Variants in LMTK2 observed in about 807,000 individuals in gnomAD.
LMTK2 encodes the protein serine/threonine-protein kinase LMTK2.
LMTK2 carries 37 observed loss-of-function variants against 127.5 expected under a neutral mutation model. That is an observed-to-expected ratio of 0.29 (90% CI 0.22 to 0.38). The LOEUF is 0.38. Ranked by LOEUF, LMTK2 falls within the 10% of genes least tolerant of loss-of-function variation. LMTK2 has a pLI of 1.00. For synonymous variants in LMTK2, 819 were observed against 810.1 expected (o/e 1.01, Z -0.19); for missense variants, 1,694 against 1,920.3 (o/e 0.88, Z 2.20).
At chr7:98,127,580 T>C (rs1353379903) in intron 1 of LMTK2, among the ~76,000 whole-genome samples, 1 of 152,204 alleles carries the variant, frequency 6.6e-6, no homozygotes, top group Non-Finnish European at 1.5e-5. Context: ...CTTTTCCAGT[T>C]AGAAGGCAGG....
At chr7:98,180,151 A>G (rs1797334273) in intron 7 of LMTK2, among the ~76,000 whole-genome samples, 1 of 152,264 alleles carries the variant, frequency 6.6e-6, no homozygotes, top group African/African-American at 2.4e-5. Flanking sequence ...AATCAATGTT[A>G]TGTATCAAGC....
intron 1 of LMTK2, among the ~76,000 whole-genome samples, chr7:98,116,465 G>A (rs1166663930): frequency 1.3e-5 from 2 of 151,944 alleles, no homozygotes; most frequent in African/African-American, 2.4e-5. Context: ...TGTGTGTGAA[G>A]GAGAGGGTAT....
intron 7 of LMTK2, among the ~76,000 whole-genome samples, chr7:98,172,943 A>T (rs182511420): frequency 2.0e-5 from 3 of 152,272 alleles, no homozygotes; most frequent in African/African-American, 7.2e-5. Flanking sequence ...TTTTCAGTAC[A>T]GATGGGGTTT....
At chr7:98,184,898 C>T (rs1797410038) in intron 7 of LMTK2, among the ~76,000 whole-genome samples, 153 bp from the exon 8 acceptor site, 1 of 152,074 alleles carries the variant, frequency 6.6e-6, no homozygotes, top group Admixed American at 6.6e-5. Flanking sequence ...AATACTTCTA[C>T]TATGAAAAAG....
chr7:98,190,115 T>G lies in LMTK2; in HGVS notation c.999-613T>G, dbSNP rs1449284828. ...CAATAATTTATTGAGTACTTAAAAG[T>G]TGATAGTCATCTCATCCACATAATT... On this transcript the variant is annotated intron_variant, in intron 9 of 13. Coordinates refer to ENST00000297293, the MANE Select transcript of LMTK2 (RefSeq NM_014916.4). Among the ~76,000 whole-genome samples the G allele has an allele frequency of 2.0e-5, 3 of 152,230 alleles. No homozygotes were observed. In the East Asian group the frequency reaches 5.8e-4, roughly 29 times the overall value.
intron 1 of LMTK2, among the ~76,000 whole-genome samples, chr7:98,130,688 G>T (rs1381648396): frequency 6.6e-6 from 1 of 152,182 alleles, no homozygotes; most frequent in African/African-American, 2.4e-5. Context: ...GAGGGGAGAT[G>T]ATGGGAAGAG....
intron 1 of LMTK2, among the ~76,000 whole-genome samples, chr7:98,119,107 A>G (rs1041448646): frequency 6.6e-6 from 1 of 152,046 alleles, no homozygotes; most frequent in South Asian, 2.1e-4. Flanking sequence ...AAAAAAAAAA[A>G]AAAGAAATGC....
rs1320419690 is a variant in LMTK2 at position 98,206,706 on chromosome 7, A to G, written c.*1214A>G. 1 of 152,022 alleles carries G rather than the reference A, an allele frequency of 6.6e-6. No homozygotes were observed. Among genetic ancestry groups the G allele is most frequent in the African/African-American group, 2.4e-5 (1 of 41,312 alleles). 9.4% of individuals were successfully genotyped at this position (152,022 alleles called of 1,614,324 possible). A position where few individuals can be genotyped will look rare whatever the true frequency, so the allele number is the denominator to read the frequency against. ...GCACACTTCAGGTGGTGGGGACTTG[A>G]GCTTTAAAAAAACCTCCACAGCCGA... On this transcript the variant is annotated 3_prime_UTR_variant, in exon 14 of 14. Coordinates refer to ENST00000297293, the MANE Select transcript of LMTK2 (RefSeq NM_014916.4).
intron 4 of LMTK2, 67 bp downstream of exon 4, chr7:98,151,522 A>T: frequency 7.7e-7 from 1 of 1,300,184 alleles, no homozygotes; most frequent in Non-Finnish European, 1.1e-6. Flanking sequence ...GGGCTGATGA[A>T]GAATTGTGTT....
chr7:98,137,412 C>T lies in LMTK2; in HGVS notation c.201C>T (p.Ser67=). ...ILIVLIANCV[S]CCKDPEIDFK... The stretch of plus-strand genomic sequence containing the variant: ...TAGTGTTAATTGCAAACTGTGTATC[C>T]TGCTGTAAGGACCCAGAAATAGACT... The change falls in exon 2 of 14, where the codon TCC becomes TCT. Residue 67 remains serine (S), a synonymous_variant. Transcript: ENST00000297293. 1 of 1,613,700 alleles carries T rather than the reference C, an allele frequency of 6.2e-7. No individual in the cohort carries two copies. Among genetic ancestry groups the T allele is most frequent in the South Asian group, 1.1e-5 (1 of 90,986 alleles).
chr7:98,131,103 C>T (rs544128547), intron 1 of LMTK2, among the ~76,000 whole-genome samples: 9 of 152,288 alleles, frequency 5.9e-5, no homozygotes, highest in African/African-American at 2.2e-4. Context: ...TCCACGCCCT[C>T]GTGCTGTTTG....
At chr7:98,120,346 G>C (rs1240169771) in intron 1 of LMTK2, among the ~76,000 whole-genome samples, 3 of 152,098 alleles carry the variant, frequency 2.0e-5, no homozygotes, top group African/African-American at 4.8e-5. Flanking sequence ...GACTGAGGAA[G>C]GGACTTGAGT....
chr7:98,154,879 A>G lies in LMTK2; in HGVS notation c.569+3A>G. 6.5e-7 allele frequency: 1 copy of G among 1,531,190 alleles called. No homozygotes were observed. The highest frequency in any genetic ancestry group is 9.1e-7 in the Non-Finnish European group (1 of 1,104,384). 94.9% of individuals were successfully genotyped at this position (1,531,190 alleles called of 1,614,324 possible). A position where few individuals can be genotyped will look rare whatever the true frequency, so the allele number is the denominator to read the frequency against. The stretch of plus-strand genomic sequence containing the variant: ...TTGAAAAATGGAGAACCTTACTAGT[A>G]AGTAAACCTTGTCATGTGTTCTGTA... On this transcript the variant is annotated splice_donor_region_variant and intron_variant, in intron 5 of 13. Transcript: ENST00000297293.
rs1258283181 is a variant in LMTK2, at chr7:98,194,650, C to T, written c.4107+78C>T. On this transcript the variant is annotated intron_variant, in intron 11 of 13. Coordinates refer to ENST00000297293, the MANE Select transcript of LMTK2 (RefSeq NM_014916.4). This position sits in a 1 kb window ranked among gnomAD's most constrained non-coding sequence, Gnocchi z 5.4. ...AATGTGCTAGGAAATTGAGTGTGGT[C>T]TGTTTTCTAGTTGCCATTTTGAGGC... 1 of 1,342,334 alleles carries T rather than the reference C, an allele frequency of 7.4e-7. No individual in the cohort carries two copies. Among genetic ancestry groups the T allele is most frequent in the African/African-American group, 1.5e-5 (1 of 68,390 alleles). The allele number at this position is 1,342,334 out of a possible 1,614,324, so 83.2% of individuals were successfully genotyped here. A position where few individuals can be genotyped will look rare whatever the true frequency, so the allele number is the denominator to read the frequency against.
intron 3 of LMTK2, among the ~76,000 whole-genome samples, chr7:98,146,799 A>G (rs1277812827): frequency 1.3e-5 from 2 of 152,226 alleles, no homozygotes; most frequent in African/African-American, 4.8e-5. Flanking sequence ...TAATACAGTA[A>G]TAACGGCTTT....
rs138802727 is a variant in LMTK2 at position 98,194,175 on chromosome 7, C to G, written c.3710C>G (p.Ala1237Gly). 1,461 of 1,613,980 alleles carry G rather than the reference C, an allele frequency of 9.1e-4. 1 individual carries two copies. The highest frequency in any genetic ancestry group is 1.1e-3 in the Non-Finnish European group (1,346 of 1,180,012). Residue 1237 changes from alanine to glycine, a missense_variant, in exon 11 of 14, where the codon GCC (alanine) becomes GGC (glycine). This residue lies in a region of LMTK2 where 554 missense variants were observed against 567.7 expected (regional missense o/e 0.98). Coordinates refer to ENST00000297293, the MANE Select transcript of LMTK2 (RefSeq NM_014916.4). The surrounding 1 kb of genome is among the most constrained non-coding windows in gnomAD (Gnocchi z 5.4). ...GGGACCAACACGAACGAACTCCTTG[C>G]CTACACCAATTCTGCGCTGGACAAG... is the stretch of plus-strand genomic sequence containing the variant. Reference protein sequence around the residue: ...STGTNTNELLAYTNSALDKSL... With the variant: ...STGTNTNELLGYTNSALDKSL...
At chr7:98,110,120 C>G (rs1330211519) in intron 1 of LMTK2, among the ~76,000 whole-genome samples, 2 of 152,092 alleles carry the variant, frequency 1.3e-5, no homozygotes, top group African/African-American at 4.8e-5. Context: ...GAAGCCTGAT[C>G]AGTCTATCCA....
Position 98,194,460 on chromosome 7 carries a change from G to A in LMTK2, c.3995G>A (p.Ser1332Asn). The change falls in exon 11 of 14, where the codon AGT becomes AAT. Residue 1332 changes from serine (S) to asparagine (N), a missense_variant. Transcript: ENST00000297293. The surrounding 1 kb of genome is among the most constrained non-coding windows in gnomAD (Gnocchi z 5.4). ...LSNEDGRHLR[S>N]LLKPTAANAP... Reference sequence around the variant, plus strand: ...AACGAGGACGGAAGGCACCTGCGGAGTCTGTTGAAGCCCACAGCGGCCAAT... The same window carrying A: ...AACGAGGACGGAAGGCACCTGCGGAATCTGTTGAAGCCCACAGCGGCCAAT... 1 of 1,614,110 alleles carries A rather than the reference G, an allele frequency of 6.2e-7. No individual in the cohort carries two copies. Among genetic ancestry groups the A allele is most frequent in the Non-Finnish European group, 8.5e-7 (1 of 1,180,046 alleles).
intron 4 of LMTK2, among the ~76,000 whole-genome samples, chr7:98,151,931 G>A (rs67300176): frequency 0.18 from 27,738 of 152,002 alleles, 3,116 homozygotes; most frequent in East Asian, 0.55. Flanking sequence ...TTCAGTTTAC[G>A]GATTTGGGCA....
Sources: allele counts gnomAD v4.1 joint callset (sites outside exome capture counted in the v4.1 genomes callset), GRCh38; gene constraint gnomAD v4.1.1; regional missense constraint gnomAD v4.1.1; non-coding constraint Gnocchi (gnomAD v3.1); transcripts MANE v1.5; gene names NCBI Gene and HGNC (gene_info 2026-07-23, HGNC 2026-07-21).